The following WDR7 variants were observed in gnomAD, a reference collection of about 807,000 sequenced individuals.
WDR7 encodes WD repeat domain 7.
WDR7 carries 46 observed loss-of-function variants against 169.4 expected under a neutral mutation model. The ratio of observed to expected loss-of-function variants is 0.27; its 90% CI spans 0.21 to 0.35. The LOEUF (loss-of-function observed/expected upper bound fraction) is 0.35. Ranked by LOEUF, WDR7 falls within the 10% of genes least tolerant of loss-of-function variation. WDR7 has a pLI of 1.00. For synonymous variants in WDR7, 612 were observed against 666.8 expected (o/e 0.92, Z 1.27); for missense variants, 1,534 against 1,859.3 (o/e 0.83, Z 3.22).
At chr18:56,820,140 A>C (rs898476936) in intron 20 of WDR7, among the ~76,000 whole-genome samples, 7 of 151,908 alleles carry the variant, frequency 4.6e-5, no homozygotes, top group Middle Eastern at 6.8e-3. Flanking sequence ...TAAATACTGC[A>C]TCTAAAAACA....
chr18:56,789,890 A>G (rs1009210788), intron 19 of WDR7, among the ~76,000 whole-genome samples: 1 of 152,228 alleles, frequency 6.6e-6, no homozygotes, highest in Non-Finnish European at 1.5e-5. Flanking sequence ...TTATAAAAGA[A>G]AACACTCATT....
chr18:57,010,821 T>C (rs1307248005), intron 26 of WDR7, among the ~76,000 whole-genome samples: 1 of 152,148 alleles, frequency 6.6e-6, no homozygotes, highest in Non-Finnish European at 1.5e-5. Flanking sequence ...AATAGGTGAA[T>C]TAATGTCTAA....
chr18:56,760,923 A>G (rs894063441), intron 16 of WDR7, among the ~76,000 whole-genome samples: 1 of 152,212 alleles, frequency 6.6e-6, no homozygotes, highest in African/African-American at 2.4e-5. Flanking sequence ...TATGTGTATA[A>G]TAGTGTCTCA....
In WDR7 at chr18:56,700,682, G is replaced by T. The variant is rs2025814202; in HGVS notation, c.1578+4220G>T. Among the ~76,000 whole-genome samples the T allele has an allele frequency of 2.0e-5, 3 of 148,578 alleles. No individual in the cohort carries two copies. In the Admixed American group the frequency reaches 2.0e-4, roughly 10 times the overall value. On this transcript the variant is annotated intron_variant, in intron 12 of 27. Coordinates refer to ENST00000254442, the MANE Select transcript of WDR7 (RefSeq NM_015285.3). ...CCTCCCGGGTTCACGCCATTCTCCT[G>T]CCTCAGCCTCCCGAGTAGCTGGGAC...
chr18:56,662,140 C>T (rs62101664), intron 1 of WDR7, among the ~76,000 whole-genome samples: 139,681 of 152,164 alleles, frequency 0.92, 65,278 homozygotes, highest in East Asian at 1. Flanking sequence ...GTATGCGCAT[C>T]CTCGTGAGAG....
chr18:56,861,544 G>A (rs916405654), intron 20 of WDR7, among the ~76,000 whole-genome samples: 1 of 152,196 alleles, frequency 6.6e-6, no homozygotes, highest in Non-Finnish European at 1.5e-5. Context: ...TGTTCCAGCA[G>A]CAGAGCAGTC....
intron 14 of WDR7, among the ~76,000 whole-genome samples, chr18:56,739,596 C>G (rs2043582172): frequency 6.6e-6 from 1 of 152,026 alleles, no homozygotes; most frequent in Non-Finnish European, 1.5e-5. Flanking sequence ...AAGAACTACT[C>G]ATTTCTTTTA....
chr18:56,707,408 A>C (rs1174954561), intron 12 of WDR7, among the ~76,000 whole-genome samples: 1 of 149,390 alleles, frequency 6.7e-6, no homozygotes. Context: ...TTCCTCTGAC[A>C]GTCTAACTTT....
intron 20 of WDR7, among the ~76,000 whole-genome samples, chr18:56,850,511 A>G (rs935158962): frequency 6.6e-6 from 1 of 151,978 alleles, no homozygotes; most frequent in Non-Finnish European, 1.5e-5. Context: ...TTATGTTTCT[A>G]TATTTATTTA....
intron 20 of WDR7, among the ~76,000 whole-genome samples, chr18:56,848,787 C>T (rs1055756215): frequency 6.6e-6 from 1 of 152,252 alleles, no homozygotes; most frequent in African/African-American, 2.4e-5. Context: ...GCACCTGCTT[C>T]ACCTTCTGCC....
chr18:56,905,763 A>AAAT (rs1378773081), intron 21 of WDR7, among the ~76,000 whole-genome samples: 1 of 152,066 alleles, frequency 6.6e-6, no homozygotes, highest in Admixed American at 6.5e-5. Context: ...ATTATAAGCA[A>AAAT]AATAAAAAGA....
At chr18:56,885,826 C>CAA (rs1191655744) in intron 21 of WDR7, among the ~76,000 whole-genome samples, 16 of 76,562 alleles carry the variant, frequency 2.1e-4, no homozygotes, top group African/African-American at 3.6e-4. Flanking sequence ...GACTCTGTCT[C>CAA]AAAAAAAAAA....
intron 13 of WDR7, among the ~76,000 whole-genome samples, chr18:56,728,279 C>A (rs1294196944): frequency 2.0e-5 from 3 of 152,114 alleles, no homozygotes; most frequent in African/African-American, 7.2e-5. Flanking sequence ...TACTTTGAAA[C>A]CATGTAAATA....
chr18:57,030,067 A>G (rs909936215), downstream of WDR7: 1 of 152,212 alleles, frequency 6.6e-6, no homozygotes, highest in African/African-American at 2.4e-5. Context: ...ATAGACTGGT[A>G]ATGGCACCAA....
intron 20 of WDR7, chr18:56,872,633 T>A (rs188928915): frequency 6.6e-6 from 1 of 152,296 alleles, no homozygotes. Flanking sequence ...TGTTTGCAAC[T>A]TAAAATGTAG....
chr18:56,975,113 C>G (rs2047547253), intron 26 of WDR7, among the ~76,000 whole-genome samples: 1 of 151,918 alleles, frequency 6.6e-6, no homozygotes, highest in Admixed American at 6.6e-5. Context: ...TGGCGGGCGT[C>G]TAATCCCAGC....
intron 14 of WDR7, among the ~76,000 whole-genome samples, chr18:56,731,959 A>G (rs1013281997): frequency 1.4e-4 from 22 of 152,322 alleles, no homozygotes; most frequent in African/African-American, 4.6e-4. Context: ...TTTAGGTACA[A>G]TTAAGATGTC....
intron 1 of WDR7, among the ~76,000 whole-genome samples, chr18:56,656,930 G>T (rs1287912228): frequency 1.3e-5 from 2 of 152,044 alleles, no homozygotes; most frequent in Admixed American, 1.3e-4. Flanking sequence ...ACTGTGAATG[G>T]TATACTATTT....
chr18:56,979,216 A>G (rs2047608363), intron 26 of WDR7, among the ~76,000 whole-genome samples: 1 of 152,194 alleles, frequency 6.6e-6, no homozygotes, highest in Non-Finnish European at 1.5e-5. Context: ...TTGAAATATT[A>G]CCTAAAATCA....
Sources: allele counts gnomAD v4.1 joint callset (sites outside exome capture counted in the v4.1 genomes callset), GRCh38; gene constraint gnomAD v4.1.1; transcripts MANE v1.5; gene names NCBI Gene and HGNC (gene_info 2026-07-23, HGNC 2026-07-21).